CPED1: variants seen among roughly 807,000 people sequenced by gnomAD.
CPED1 encodes the protein cadherin like and PC-esterase domain containing 1.
Under a neutral mutation model 128.2 loss-of-function variants are expected in CPED1, and 114 were observed. The observed-to-expected ratio is 0.89, with a 90% CI of 0.76 to 1.04. The LOEUF (loss-of-function observed/expected upper bound fraction) is 1.04. Ranked by LOEUF, CPED1 falls within the 50% of genes least tolerant of loss-of-function variation. CPED1 has a pLI of 0.00. For missense variants in CPED1, 1,211 were observed against 1,207.1 expected, an observed-to-expected ratio of 1.00 and a Z score of -0.05; for synonymous variants, 462 against 426.7, an observed-to-expected ratio of 1.08 and a Z score of -1.02.
intron 18 of CPED1, chr7:121,261,805 G>A: frequency 5.8e-6 from 8 of 1,390,250 alleles, no homozygotes; most frequent in Non-Finnish European, 6.9e-6. Context: ...CCTATTCCAA[G>A]TTTTTTGGGC....
rs766330738 is a variant in CPED1 at position 121,142,092 on chromosome 7, G to C, written c.2006G>C (p.Arg669Pro). Residue 669 changes from arginine to proline, a missense_variant, in exon 16 of 23, where the codon CGC (arginine) becomes CCC (proline). Transcript: ENST00000310396. ...AAACTCACCATCTATAGAGAAGACC[G>C]CCCAAGTCTGCCCTTGTTTGAGGCC... ...TYKLTIYREDRPSLPLFEAFT... is the reference protein window; with the variant it reads ...TYKLTIYREDPPSLPLFEAFT... 1 of 1,612,212 alleles carries C rather than the reference G, an allele frequency of 6.2e-7. No homozygotes were observed. The highest frequency in any genetic ancestry group is 8.5e-7 in the Non-Finnish European group (1 of 1,178,732).
chr7:121,255,966 T>C lies in CPED1; in HGVS notation c.2311-10261T>C, dbSNP rs998141162. 2.0e-5 allele frequency among the ~76,000 whole-genome samples: 3 copies of C among 151,714 alleles called. No homozygotes were observed. The East Asian group carries it at 5.8e-4, about 29-fold the overall frequency. ...CATGGATTGGAATAATTAATATTGT[T>C]AAAATGGCCATACTGCCCAAAGAAA... On this transcript the variant is annotated intron_variant, in intron 18 of 22. Coordinates refer to ENST00000310396, the MANE Select transcript of CPED1 (RefSeq NM_024913.5).
rs888869876 is a variant in CPED1 at position 121,045,680 on chromosome 7, A to G, written c.434-1207A>G. 3.9e-5 allele frequency among the ~76,000 whole-genome samples: 6 copies of G among 152,130 alleles called. No individual in the cohort carries two copies. In the South Asian group the frequency reaches 6.2e-4, roughly 16 times the overall value. On this transcript the variant is annotated intron_variant, in intron 3 of 22. Transcript: ENST00000310396. ...TGACTGGTGAGGTCTGGCATAAATA[A>G]TTACTCAGAATATTTATCTCAGGAC...
At chr7:121,204,638 C>T (rs1303273679) in intron 16 of CPED1, among the ~76,000 whole-genome samples, 1 of 151,966 alleles carries the variant, frequency 6.6e-6, no homozygotes, top group East Asian at 1.9e-4. Flanking sequence ...CCCAATGATC[C>T]AAAAAGGAGA....
intron 7 of CPED1, among the ~76,000 whole-genome samples, chr7:121,104,551 G>A (rs957216584): frequency 2.0e-5 from 3 of 152,082 alleles, no homozygotes; most frequent in Admixed American, 2.0e-4. Context: ...TTATGAAAAT[G>A]TATCGCTGAA....
chr7:121,214,832 G>A (rs1476985996), intron 16 of CPED1, among the ~76,000 whole-genome samples: 1 of 152,044 alleles, frequency 6.6e-6, no homozygotes, highest in Non-Finnish European at 1.5e-5. Context: ...CTTTTAGCAT[G>A]CTTTGAGCTT....
chr7:121,040,747 A>G (rs1793028612), intron 3 of CPED1, among the ~76,000 whole-genome samples: 1 of 152,072 alleles, frequency 6.6e-6, no homozygotes, highest in Non-Finnish European at 1.5e-5. Flanking sequence ...AATTACTAAA[A>G]AATTAAACAC....
At chr7:120,996,338 C>A (rs557445738) in intron 2 of CPED1, among the ~76,000 whole-genome samples, 78 of 151,710 alleles carry the variant, frequency 5.1e-4, no homozygotes, top group Middle Eastern at 3.4e-3. Flanking sequence ...GGTAAAAAAA[C>A]CCCACATATT....
chr7:121,177,633 A>G (rs1796813705), intron 16 of CPED1, among the ~76,000 whole-genome samples: 1 of 152,090 alleles, frequency 6.6e-6, no homozygotes, highest in South Asian at 2.1e-4. Flanking sequence ...CACACATATA[A>G]CAGTGCAACG....
chr7:121,005,806 G>A (rs553154736), intron 2 of CPED1, among the ~76,000 whole-genome samples: 57 of 152,030 alleles, frequency 3.7e-4, no homozygotes, highest in Non-Finnish European at 7.4e-4. Context: ...GCTTGTGTGG[G>A]ACTCCATATT....
chr7:121,165,911 A>T (rs1037496932), intron 16 of CPED1, among the ~76,000 whole-genome samples: 46 of 152,232 alleles, frequency 3.0e-4, no homozygotes, highest in Non-Finnish European at 5.7e-4. Flanking sequence ...AAGCTAAGAT[A>T]TGATTGGATG....
intron 4 of CPED1, among the ~76,000 whole-genome samples, chr7:121,061,672 C>A (rs1044153669): frequency 6.6e-6 from 1 of 152,148 alleles, no homozygotes; most frequent in Admixed American, 6.5e-5. Flanking sequence ...TGGAGAAGCT[C>A]ATCATATAAA....
intron 16 of CPED1, among the ~76,000 whole-genome samples, chr7:121,148,514 C>G (rs1288939044): frequency 6.6e-6 from 1 of 152,114 alleles, no homozygotes; most frequent in Non-Finnish European, 1.5e-5. Flanking sequence ...TCAACCCTTT[C>G]TATGAAATAG....
intron 18 of CPED1, among the ~76,000 whole-genome samples, chr7:121,245,467 A>T (rs1186926482): frequency 6.6e-6 from 1 of 152,202 alleles, no homozygotes; most frequent in Non-Finnish European, 1.5e-5. Context: ...TCAAAAGGGC[A>T]GGGAATGTGT....
intron 7 of CPED1, among the ~76,000 whole-genome samples, chr7:121,112,278 G>A (rs1003449511): frequency 2.6e-5 from 4 of 152,178 alleles, no homozygotes; most frequent in Admixed American, 2.6e-4. Flanking sequence ...GCCTTGGCAG[G>A]TGTAATTAAA....
rs137952501 is a variant in CPED1 at position 121,161,939 on chromosome 7, T to G, written c.2055+19798T>G. Reference sequence around the variant, plus strand: ...ACCTTACAAGTTGAGATTCTTCAATTAAAACTATTGTCTATGATTGGAGTA... The same window carrying G: ...ACCTTACAAGTTGAGATTCTTCAATGAAAACTATTGTCTATGATTGGAGTA... On this transcript the variant is annotated intron_variant, in intron 16 of 22. Coordinates refer to ENST00000310396, the MANE Select transcript of CPED1 (RefSeq NM_024913.5). Among the ~76,000 whole-genome samples the G allele has an allele frequency of 5.0e-3, 759 of 152,336 alleles. 11 individuals are homozygous for G. The highest frequency in any genetic ancestry group is 0.027 in the Admixed American group (420 of 15,304).
intron 7 of CPED1, among the ~76,000 whole-genome samples, chr7:121,111,891 A>G (rs1009109321): frequency 2.6e-5 from 4 of 152,216 alleles, no homozygotes; most frequent in African/African-American, 9.6e-5. Flanking sequence ...GTGACTTCAA[A>G]TAAACATTTA....
At chr7:121,109,586 G>T (rs1174592428) in intron 7 of CPED1, among the ~76,000 whole-genome samples, 1 of 152,106 alleles carries the variant, frequency 6.6e-6, no homozygotes, top group Non-Finnish European at 1.5e-5. Context: ...GAATCTAACA[G>T]TTCCAGGTAC....
chr7:120,989,761 G>C lies in CPED1; in HGVS notation c.140G>C (p.Gly47Ala). The C allele has an allele frequency of 1.2e-6, 2 of 1,613,780 alleles. No homozygotes were observed. The highest frequency in any genetic ancestry group is 2.7e-5 in the African/African-American group (2 of 74,882). ...AGGAAGCTCACAGCCGCTGCCCCTG[G>C]GGCTGTCCCACACACATCCACTGAA... ...GSRKLTAAAP[G>A]AVPHTSTETQ... is the part of the protein sequence containing the mutation. Residue 47 changes from glycine to alanine, a missense_variant, in exon 2 of 23, where the codon GGG becomes GCG. Physicochemically the swap from Gly to Ala is moderately conservative, Grantham distance 60. Transcript: ENST00000310396.
Sources: allele counts gnomAD v4.1 joint callset (sites outside exome capture counted in the v4.1 genomes callset), GRCh38; gene constraint gnomAD v4.1.1; transcripts MANE v1.5; gene names NCBI Gene and HGNC (gene_info 2026-07-23, HGNC 2026-07-21).